Variants in TRIM7 observed in about 807,000 individuals in gnomAD.
TRIM7 encodes E3 ubiquitin-protein ligase TRIM7.
In TRIM7, 32 loss-of-function variants were observed where a neutral mutation model predicts 37.9. The ratio of observed to expected loss-of-function variants is 0.84; its 90% CI spans 0.64 to 1.13. The LOEUF (loss-of-function observed/expected upper bound fraction) is 1.13. Among genes scored for constraint, TRIM7 ranks in the 50% most tolerant of loss-of-function variants. The pLI, the probability that TRIM7 is intolerant of heterozygous loss-of-function variation, is 0.00. For missense variants in TRIM7, 732 were observed against 714.0 expected (o/e 1.03, Z -0.29); for synonymous variants, 351 against 321.3 (o/e 1.09, Z -0.99).
chr5:181,198,332 C>T (rs1757261388), intron 5 of TRIM7, 114 bp from the exon 6 acceptor site: 1 of 1,159,448 alleles, frequency 8.6e-7, no homozygotes, highest in Non-Finnish European at 1.3e-6. Flanking sequence ...ACTCCTAAGG[C>T]CAAGAGTGAA....
intron 2 of TRIM7, chr5:181,200,887 C>G: frequency 1.0e-6 from 1 of 985,426 alleles, no homozygotes; most frequent in Non-Finnish European, 1.2e-6. Flanking sequence ...TCAAGGTGTC[C>G]TACAATGCCC....
At chr5:181,198,606 A>T (rs1197257009) in intron 5 of TRIM7, 84 bp downstream of exon 5, 1 of 933,020 alleles carries the variant, frequency 1.1e-6, no homozygotes, top group Non-Finnish European at 1.7e-6. Context: ...AGCTTCTGGA[A>T]AGCACACCCA....
At chr5:181,203,244 G>A in intron 2 of TRIM7, 1 of 1,207,746 alleles carries the variant, frequency 8.3e-7, no homozygotes, top group Non-Finnish European at 1.0e-6. Context: ...AGATGCTTCC[G>A]CAGGCCCTAA....
At chr5:181,203,183 C>T in intron 2 of TRIM7, 2 of 795,034 alleles carry the variant, frequency 2.5e-6, no homozygotes, top group Non-Finnish European at 3.2e-6. Flanking sequence ...AATATTCCCA[C>T]TTATTGAATA....
At chr5:181,195,922 AC>A in intron 6 of TRIM7, 1 of 443,518 alleles carries the variant, frequency 2.3e-6, no homozygotes, top group Non-Finnish European at 3.9e-6. Flanking sequence ...CCTGGTTTGA[AC>A]CCCAATTCAA....
At chr5:181,198,112 T>C in intron 6 of TRIM7, 71 bp downstream of exon 6, 1 of 1,572,244 alleles carries the variant, frequency 6.4e-7, no homozygotes, top group South Asian at 1.1e-5. Context: ...AACCCTGAGA[T>C]GGTCACGAGC....
chr5:181,205,157 G>A lies in TRIM7; in HGVS notation c.-47C>T, dbSNP rs2113101046. On this transcript the variant is annotated 5_prime_UTR_variant, in exon 1 of 7. Transcript: ENST00000274773. ...ATCTGGTCGCGCCTGGGCGGCCACT[G>A]GACCTCACAGGACGCGGAGCTGGGC... 1 of 1,274,142 alleles carries A rather than the reference G, an allele frequency of 7.8e-7. No individual in the cohort carries two copies. Among genetic ancestry groups the A allele is most frequent in the Non-Finnish European group, 9.9e-7 (1 of 1,009,546 alleles). 78.9% of individuals were successfully genotyped at this position (1,274,142 alleles called of 1,614,324 possible).
chr5:181,203,909 C>A (rs1021070269), intron 1 of TRIM7: 2 of 1,180,258 alleles, frequency 1.7e-6, no homozygotes, highest in East Asian at 4.5e-5. Context: ...CTACTCTCCG[C>A]CCCCCCACCA....
At chr5:181,204,284 C>T in intron 1 of TRIM7, 2 of 1,119,466 alleles carry the variant, frequency 1.8e-6, no homozygotes, top group Non-Finnish European at 2.2e-6. Flanking sequence ...GCAGACCAGG[C>T]TAGAGGCTCC....
At chr5:181,203,661 T>C in intron 1 of TRIM7, 21 bp from the exon 2 acceptor site, 2 of 1,597,724 alleles carry the variant, frequency 1.3e-6, no homozygotes, top group Non-Finnish European at 1.7e-6. Context: ...AGGGAAACAA[T>C]GTAAGGTGGG....
Position 181,200,417 on chromosome 5 carries a change from G to T in TRIM7, c.619-336C>A, listed in dbSNP as rs1024161307. On this transcript the variant is annotated intron_variant, in intron 2 of 6. Coordinates refer to ENST00000274773, the MANE Select transcript of TRIM7 (RefSeq NM_203293.3). Reference sequence around the variant, plus strand: ...CTTGAAAAGCAGAAGGGATAAATTAGTGCCTCCTGGGGCAACCATAGGATT... The same window carrying T: ...CTTGAAAAGCAGAAGGGATAAATTATTGCCTCCTGGGGCAACCATAGGATT... 7 of 1,331,708 alleles carry T rather than the reference G, an allele frequency of 5.3e-6. No individual in the cohort carries two copies. In the African/African-American group the frequency reaches 8.8e-5, roughly 17 times the overall value. 82.5% of individuals were successfully genotyped at this position (1,331,708 alleles called of 1,614,324 possible).
Position 181,195,322 on chromosome 5 carries a change from G to A in TRIM7, c.1380C>T (p.Arg460=), listed in dbSNP as rs1162112812. 1 of 1,593,934 alleles carries A rather than the reference G, an allele frequency of 6.3e-7. No individual in the cohort carries two copies. The change falls in exon 7 of 7, where the codon CGC becomes CGT. Residue 460 remains arginine, a synonymous_variant. Coordinates refer to ENST00000274773, the MANE Select transcript of TRIM7 (RefSeq NM_203293.3). Reference sequence around the variant, plus strand: ...CCTCCAGGTCCAGGGCCACCCGCACGCGCGACAGGTGCCCGCAGCTGAGGG... The same window carrying A: ...CCTCCAGGTCCAGGGCCACCCGCACACGCGACAGGTGCCCGCAGCTGAGGG... The part of the protein sequence containing the change: ...RSPLSCGHLS[R]VRVALDLEVG...
Position 181,195,513 on chromosome 5 carries a change from G to A in TRIM7, c.1189C>T (p.His397Tyr). ...LASCGFSSGRHHWEVEVGSKD... is the reference protein window; with the variant it reads ...LASCGFSSGRYHWEVEVGSKD... The stretch of plus-strand genomic sequence containing the variant: ...GAGCCCACCTCCACCTCCCAGTGAT[G>A]CCGGCCCGAGGAGAAGCCGCAGGAC... Residue 397 changes from histidine to tyrosine, a missense_variant, in exon 7 of 7, where the codon CAT becomes TAT. Transcript: ENST00000274773. 6.2e-7 allele frequency: 1 copy of A among 1,612,682 alleles called. No individual in the cohort carries two copies. The highest frequency in any genetic ancestry group is 2.2e-5 in the East Asian group (1 of 44,862).
chr5:181,197,945 G>T (rs975493100), intron 6 of TRIM7: 2 of 557,202 alleles, frequency 3.6e-6, no homozygotes, highest in Non-Finnish European at 6.4e-6. Context: ...TGAGTATCTC[G>T]AGGTACAGGG....
chr5:181,201,094 G>A (rs940471436), intron 2 of TRIM7: 4 of 190,818 alleles, frequency 2.1e-5, no homozygotes, highest in African/African-American at 7.2e-5. Flanking sequence ...CAAGGAGGTA[G>A]CACAAGTGAA....
At chr5:181,198,258 C>A (rs369938865) in intron 5 of TRIM7, 40 bp from the exon 6 acceptor site, 4 of 1,609,216 alleles carry the variant, frequency 2.5e-6, no homozygotes, top group Non-Finnish European at 3.4e-6. Context: ...ATGAGCGACA[C>A]GGGAGATTAT....
intron 1 of TRIM7, chr5:181,203,878 C>T (rs1282601151): frequency 7.7e-7 from 1 of 1,296,164 alleles, no homozygotes; most frequent in Non-Finnish European, 9.8e-7. Context: ...GCTCCGGCAG[C>T]CCTACCCCTA....
intron 5 of TRIM7, 99 bp from the exon 6 acceptor site, chr5:181,198,317 C>T: frequency 7.8e-7 from 1 of 1,287,700 alleles, no homozygotes. Context: ...ATTCATTCCC[C>T]AGAGACTCCT....
In TRIM7 at chr5:181,195,692, A is replaced by G. The variant is rs1487421295; in HGVS notation, c.1025-15T>C. The G allele has an allele frequency of 2.6e-6, 4 of 1,510,938 alleles. No homozygotes were observed. Among genetic ancestry groups the G allele is most frequent in the East Asian group, 4.6e-5 (2 of 43,248 alleles). 93.6% of individuals were successfully genotyped at this position (1,510,938 alleles called of 1,614,324 possible). A position where few individuals can be genotyped will look rare whatever the true frequency, so the allele number is the denominator to read the frequency against. The stretch of plus-strand genomic sequence containing the variant: ...GGTGAGCTCCACTGCAGACAGAGAC[A>G]GGGAGAAATGTCCCCACGCAGCCAG... On this transcript the variant is annotated splice_polypyrimidine_tract_variant and intron_variant, in intron 6 of 6. Transcript: ENST00000274773.
Sources: gnomAD v4.1 joint callset for allele counts on GRCh38, gnomAD v4.1.1 for gene constraint, MANE v1.5 for transcripts, NCBI Gene and HGNC (gene_info 2026-07-23, HGNC 2026-07-21) for gene names.